KMT2E: variants seen among roughly 807,000 people sequenced by gnomAD.
The protein encoded by KMT2E is histone reader KMT2E.
KMT2E carries 30 observed loss-of-function variants against 184.6 expected under a neutral mutation model. The ratio of observed to expected loss-of-function variants is 0.16; its 90% CI spans 0.12 to 0.22. The LOEUF is 0.22. KMT2E is among the 10% of genes least tolerant of loss of function. The pLI is 1.00. For missense variants in KMT2E, 2,023 were observed against 2,237.4 expected (o/e 0.90, Z 1.93); for synonymous variants, 815 against 776.5 (o/e 1.05, Z -0.82).
chr7:105,111,988 T>G lies in KMT2E; in HGVS notation c.4232T>G (p.Leu1411Arg), dbSNP rs188365218. The change falls in exon 27 of 27, where the codon CTT becomes CGT. Residue 1411 changes from leucine to arginine, a missense_variant. Leu to Arg is a moderately radical substitution (Grantham distance 102, BLOSUM62 -2). Coordinates refer to ENST00000311117, the MANE Select transcript of KMT2E (RefSeq NM_182931.3). Reference sequence around the variant, plus strand: ...CAGCTATCAAATAACAACCAAGCACTTTCAAAGAATCATCCTCCTCAGACA... The same window carrying G: ...CAGCTATCAAATAACAACCAAGCACGTTCAAAGAATCATCCTCCTCAGACA... Reference protein sequence around the residue: ...QKQLSNNNQALSKNHPPQTHV... With the variant: ...QKQLSNNNQARSKNHPPQTHV... 1 of 1,614,154 alleles carries G rather than the reference T, an allele frequency of 6.2e-7. No homozygotes were observed. The highest frequency in any genetic ancestry group is 8.5e-7 in the Non-Finnish European group (1 of 1,180,024).
At chr7:105,024,780 C>G (rs1795104750) in intron 1 of KMT2E, among the ~76,000 whole-genome samples, 1 of 152,162 alleles carries the variant, frequency 6.6e-6, no homozygotes, top group Non-Finnish European at 1.5e-5. Context: ...TCCAAGAAAT[C>G]ATGCTGGACA....
chr7:105,100,084 C>T (rs976891747), intron 15 of KMT2E, among the ~76,000 whole-genome samples: 14 of 152,142 alleles, frequency 9.2e-5, no homozygotes, highest in African/African-American at 2.9e-4. Flanking sequence ...GTTTGCCCGT[C>T]CCAGACTAGG....
chr7:105,068,290 G>A (rs1443542232), intron 6 of KMT2E, among the ~76,000 whole-genome samples: 5 of 151,634 alleles, frequency 3.3e-5, no homozygotes, highest in Admixed American at 3.3e-4. Flanking sequence ...TATTTTCATA[G>A]TTAGACTGTT....
Position 105,107,521 on chromosome 7 carries a change from G to C in KMT2E, c.3064G>C (p.Asp1022His). The C allele has an allele frequency of 6.2e-7, 1 of 1,614,142 alleles. No individual in the cohort carries two copies. Among genetic ancestry groups the C allele is most frequent in the Non-Finnish European group, 8.5e-7 (1 of 1,180,026 alleles). The change falls in exon 22 of 27, where the codon GAC becomes CAC. Residue 1022 changes from aspartate (D) to histidine (H), a missense_variant. Physicochemically the swap from Asp to His is moderately conservative, Grantham distance 81. Coordinates refer to ENST00000311117, the MANE Select transcript of KMT2E (RefSeq NM_182931.3). Reference sequence around the variant, plus strand: ...TCCTGGAGAAAAGGAACCTGTGTCAGACCTTCAGCTAGGACTCGATGCAGT... The same window carrying C: ...TCCTGGAGAAAAGGAACCTGTGTCACACCTTCAGCTAGGACTCGATGCAGT... ...QCPGEKEPVS[D>H]LQLGLDAVEP...
chr7:105,034,225 G>A (rs536134935), intron 1 of KMT2E, among the ~76,000 whole-genome samples: 113 of 152,168 alleles, frequency 7.4e-4, no homozygotes, highest in Middle Eastern at 3.4e-3. Context: ...GTCCTGACTA[G>A]TGTGTGTGTG....
intron 3 of KMT2E, among the ~76,000 whole-genome samples, chr7:105,061,559 C>T (rs942954836): frequency 6.6e-6 from 1 of 152,144 alleles, no homozygotes; most frequent in Admixed American, 6.5e-5. Flanking sequence ...AAGTCAACAA[C>T]AGTGGGCAAA....
At chr7:105,110,137 T>C in intron 23 of KMT2E, 143 bp from the exon 24 acceptor site, 1 of 691,706 alleles carries the variant, frequency 1.4e-6, no homozygotes, top group South Asian at 1.8e-5. Context: ...CCTGCCAAGA[T>C]TAACTATTTT....
chr7:105,087,213 A>AT (rs1798013685), intron 13 of KMT2E, among the ~76,000 whole-genome samples: 6 of 146,684 alleles, frequency 4.1e-5, no homozygotes, highest in African/African-American at 1.5e-4. Flanking sequence ...ATGCTTATAT[A>AT]ATATATATTA....
chr7:105,091,069 GA>G lies in KMT2E; in HGVS notation c.1624-144del, dbSNP rs1435320753. 2.6e-5 allele frequency: 13 copies of G among 501,990 alleles called. No homozygotes were observed. The Admixed American group carries it at 3.0e-4, about 12-fold the overall frequency. The allele number at this position is 501,990 out of a possible 1,614,324, so 31.1% of individuals were successfully genotyped here. A position where few individuals can be genotyped will look rare whatever the true frequency, so the allele number is the denominator to read the frequency against. On this transcript the variant is annotated intron_variant, in intron 14 of 26. Transcript: ENST00000311117. ...AATTTTGAAAAGTATCTTGAATTAG[GA>G]AACCAGTTTTAAATTTCTTAAATAA... is the stretch of plus-strand genomic sequence containing the variant.
chr7:105,039,413 G>A (rs1237861777), intron 2 of KMT2E: 2 of 152,142 alleles, frequency 1.3e-5, no homozygotes, highest in Non-Finnish European at 2.9e-5. Flanking sequence ...TTTGCCTCTG[G>A]TAAATAAGTA....
At chr7:105,095,254 A>G (rs1798356514) in intron 15 of KMT2E, among the ~76,000 whole-genome samples, 1 of 152,312 alleles carries the variant, frequency 6.6e-6, no homozygotes, top group African/African-American at 2.4e-5. Context: ...ACTCTAGGTA[A>G]TACATGTTTA....
intron 1 of KMT2E, among the ~76,000 whole-genome samples, chr7:105,022,454 T>TG (rs2074564339): frequency 6.6e-6 from 1 of 152,196 alleles, no homozygotes; most frequent in Admixed American, 6.5e-5. Context: ...TAGAAATATG[T>TG]GTTTTTCTAT....
rs145977800 is a variant in KMT2E at position 105,017,820 on chromosome 7, A to G, written c.-189+3285A>G. On this transcript the variant is annotated intron_variant, in intron 1 of 26. Transcript: ENST00000311117. ...TCATACATCCTTTCGTTGTCAGTGT[A>G]AATGAAAGGATCTCTCTGATTCCAG... Among the ~76,000 whole-genome samples, 311 of 152,320 alleles carry G rather than the reference A, an allele frequency of 2.0e-3. 1 individual carries two copies. Among genetic ancestry groups the G allele is most frequent in the Non-Finnish European group, 3.5e-3 (240 of 68,018 alleles).
At chr7:105,064,285 C>T (rs949611146) in intron 5 of KMT2E, among the ~76,000 whole-genome samples, 3 of 142,916 alleles carry the variant, frequency 2.1e-5, no homozygotes, top group South Asian at 2.2e-4. Flanking sequence ...GGGTGGGAAG[C>T]GCAGAGTACT....
Position 105,102,028 on chromosome 7 carries a change from T to C in KMT2E, c.2030T>C (p.Ile677Thr), listed in dbSNP as rs1362475451. Residue 677 changes from isoleucine (I) to threonine (T), a missense_variant, in exon 17 of 27, where the codon ATC becomes ACC. Transcript: ENST00000311117. ...AGAACTGTCAGCATGTGTTCAGATA[T>C]CCAGCCATCTTCTCCTGATATAGAA... ...RHRTVSMCSD[I>T]QPSSPDIEVT... 3 of 1,613,928 alleles carry C rather than the reference T, an allele frequency of 1.9e-6. No individual in the cohort carries two copies. The East Asian group carries it at 6.7e-5, about 36-fold the overall frequency.
chr7:105,097,059 A>T (rs780113951), intron 15 of KMT2E, among the ~76,000 whole-genome samples: 19 of 152,210 alleles, frequency 1.2e-4, no homozygotes, highest in Non-Finnish European at 1.9e-4. Context: ...ACCCCCACAG[A>T]GTGTTATTCA....
intron 5 of KMT2E, chr7:105,064,168 T>G (rs1238511847): frequency 2.1e-5 from 4 of 186,094 alleles, no homozygotes; most frequent in South Asian, 6.8e-5. Context: ...TTCTTGGTTT[T>G]TTTTTTTTTT....
chr7:105,109,610 C>G (rs1008922148), intron 23 of KMT2E, among the ~76,000 whole-genome samples: 11 of 152,190 alleles, frequency 7.2e-5, no homozygotes, highest in Non-Finnish European at 1.5e-4. Flanking sequence ...GGCAGCCACA[C>G]TCACTTTGCT....
rs1372542688 is a variant in KMT2E at position 105,066,753 on chromosome 7, G to C, written c.443G>C (p.Gly148Ala). The C allele has an allele frequency of 6.2e-7, 1 of 1,612,106 alleles. No individual in the cohort carries two copies. Among genetic ancestry groups the C allele is most frequent in the Non-Finnish European group, 8.5e-7 (1 of 1,179,106 alleles). Reference protein sequence around the residue: ...CSVWQHIDCMGIDRQHIPDTY... With the variant: ...CSVWQHIDCMAIDRQHIPDTY... ...GTTTGGCAACATATTGACTGCATGG[G>C]GATTGATAGGCAGCATATTCCTGAT... The change falls in exon 6 of 27, where the codon GGG becomes GCG. Residue 148 changes from glycine (G) to alanine (A), a missense_variant. By Grantham distance (60) the Gly-to-Ala change is moderately conservative (BLOSUM62 0). Around this residue, in one of 8 missense-constraint regions of KMT2E, gnomAD observed 30 missense variants for 80.6 expected, o/e 0.37. Transcript: ENST00000311117.
Sources: gnomAD v4.1 joint callset for allele counts (sites outside exome capture counted in the v4.1 genomes callset) on GRCh38, gnomAD v4.1.1 for gene constraint, gnomAD v4.1.1 regional missense constraint, MANE v1.5 for transcripts, NCBI Gene and HGNC (gene_info 2026-07-23, HGNC 2026-07-21) for gene names.